MEIS1: variants seen among roughly 807,000 people sequenced by gnomAD.
MEIS1 encodes the protein Meis homeobox 1.
MEIS1 carries 5 observed loss-of-function variants against 50.8 expected under a neutral mutation model. The observed-to-expected ratio is 0.10, with a 90% confidence interval of 0.05 to 0.21. The LOEUF (loss-of-function observed/expected upper bound fraction) is 0.21. Among genes scored for constraint, MEIS1 ranks in the 10% least tolerant of loss-of-function variants. The pLI is 1.00. For missense variants in MEIS1, 318 were observed against 517.3 expected (o/e 0.61, Z 3.74); for synonymous variants, 176 against 179.3 (o/e 0.98, Z 0.15).
intron 7 of MEIS1, among the ~76,000 whole-genome samples, chr2:66,479,706 A>T (rs1672973620): frequency 1.3e-5 from 2 of 152,204 alleles, no homozygotes; most frequent in South Asian, 4.1e-4. Flanking sequence ...GATCCAGTGA[A>T]TATTTACATG....
intron 7 of MEIS1, among the ~76,000 whole-genome samples, chr2:66,505,123 C>T (rs913635132): frequency 3.2e-4 from 49 of 152,096 alleles, no homozygotes; most frequent in African/African-American, 1.2e-3. Context: ...TGTAATAAGA[C>T]CTAAGGGGTT....
intron 7 of MEIS1, among the ~76,000 whole-genome samples, chr2:66,478,786 G>T (rs1672952487): frequency 6.6e-6 from 1 of 152,182 alleles, no homozygotes; most frequent in African/African-American, 2.4e-5. Context: ...CAGGAACCTG[G>T]CTGGCATAGT....
intron 6 of MEIS1, among the ~76,000 whole-genome samples, chr2:66,448,016 A>G (rs1672192911): frequency 6.6e-6 from 1 of 152,190 alleles, no homozygotes; most frequent in Non-Finnish European, 1.5e-5. Flanking sequence ...CCCCCACCAG[A>G]ATGACTCCAT....
intron 3 of MEIS1, 72 bp downstream of exon 3, chr2:66,440,056 CGCGCGCGCGCGA>C (rs1671920089): frequency 7.5e-7 from 1 of 1,333,016 alleles, no homozygotes; most frequent in Non-Finnish European, 1.0e-6. Flanking sequence ...CACACGCGCG[CGCGCGCGCGCGA>C]ACACACACAC....
chr2:66,554,614 G>GAC (rs771166726), intron 9 of MEIS1, among the ~76,000 whole-genome samples: 7 of 152,210 alleles, frequency 4.6e-5, no homozygotes, highest in Non-Finnish European at 8.8e-5. Flanking sequence ...TTGGGCGACA[G>GAC]TGTCCTCTGG....
intron 7 of MEIS1, among the ~76,000 whole-genome samples, chr2:66,484,978 T>C (rs1468760395): frequency 6.6e-6 from 1 of 152,202 alleles, no homozygotes; most frequent in East Asian, 1.9e-4. Context: ...ATTTAAAATA[T>C]AGGACGAGAT....
intron 3 of MEIS1, 57 bp downstream of exon 3, chr2:66,440,041 CAACACACACGCGCGCGCGCGCGCGCG>C (rs1671916089): frequency 1.4e-6 from 2 of 1,407,200 alleles, no homozygotes; most frequent in Non-Finnish European, 1.9e-6. Flanking sequence ...CCCCCTTCGC[CAACACACACGCGCGCGCGCGCGCGCG>C]AACACACACA....
At chr2:66,497,277 G>T (rs1673429339) in intron 7 of MEIS1, among the ~76,000 whole-genome samples, 1 of 152,152 alleles carries the variant, frequency 6.6e-6, no homozygotes, top group African/African-American at 2.4e-5. Context: ...ACAAGGATTT[G>T]TATTCCTTAT....
At chr2:66,571,159 G>C in intron 12 of MEIS1, 87 bp from the exon 13 acceptor site, 1 of 1,366,958 alleles carries the variant, frequency 7.3e-7, no homozygotes, top group Non-Finnish European at 9.9e-7. Context: ...GGGTTCTCTG[G>C]CTTTTATAGG....
intron 8 of MEIS1, among the ~76,000 whole-genome samples, chr2:66,513,627 T>A (rs1673886420): frequency 6.6e-6 from 1 of 152,170 alleles, no homozygotes; most frequent in Non-Finnish European, 1.5e-5. Context: ...TCCCTTCTCT[T>A]CTTCCCATAA....
In MEIS1 at chr2:66,567,471, A is replaced by G. The variant is rs1234598068; in HGVS notation, c.984A>G (p.Arg328=). 2 of 1,613,894 alleles carry G rather than the reference A, an allele frequency of 1.2e-6. No individual in the cohort carries two copies. The highest frequency in any genetic ancestry group is 2.2e-5 in the South Asian group (2 of 91,040). The change falls in exon 10 of 13, where the codon AGA becomes AGG. Residue 328 remains arginine, a synonymous_variant. Transcript: ENST00000272369. ...GTTACAGGTTTATTAATGCCCGGAG[A>G]AGAATAGTGCAGCCCATGATAGACC... ...QVNNWFINAR[R]RIVQPMIDQS...
At chr2:66,451,536 A>G (rs1672275978) in intron 6 of MEIS1, among the ~76,000 whole-genome samples, 1 of 152,104 alleles carries the variant, frequency 6.6e-6, no homozygotes, top group African/African-American at 2.4e-5. Flanking sequence ...TGAATGAATA[A>G]GAATTTCTTT....
At chr2:66,516,683 G>A (rs1330369262) in intron 8 of MEIS1, among the ~76,000 whole-genome samples, 1 of 151,974 alleles carries the variant, frequency 6.6e-6, no homozygotes, top group Non-Finnish European at 1.5e-5. Flanking sequence ...AGAGGTTGTA[G>A]AATCTTCCAG....
intron 8 of MEIS1, among the ~76,000 whole-genome samples, chr2:66,522,838 T>G (rs1364599320): frequency 1.3e-5 from 2 of 152,184 alleles, no homozygotes; most frequent in Non-Finnish European, 2.9e-5. Context: ...AGTGACCGCA[T>G]AGGAAGTAGC....
chr2:66,527,625 TGTG>T lies in MEIS1; in HGVS notation c.888+15332_888+15334del, dbSNP rs1487327256. Among the ~76,000 whole-genome samples, 10 of 150,432 alleles carry T rather than the reference TGTG, an allele frequency of 6.6e-5. No homozygotes were observed. In the South Asian group the frequency reaches 2.1e-3, roughly 32 times the overall value. Reference sequence around the variant, plus strand: ...GTGTGTGTGTGTGTGTGTGTGTGTGTGTGTGTGTGTGTGTGTTGGGGGGGAGAC... The same window carrying T: ...GTGTGTGTGTGTGTGTGTGTGTGTGTTGTGTGTGTGTGTTGGGGGGGAGAC... On this transcript the variant is annotated intron_variant, in intron 8 of 12. Coordinates refer to ENST00000272369, the MANE Select transcript of MEIS1 (RefSeq NM_002398.3).
chr2:66,511,103 C>A (rs1048838563), intron 7 of MEIS1, among the ~76,000 whole-genome samples: 5 of 152,052 alleles, frequency 3.3e-5, no homozygotes, highest in Non-Finnish European at 7.4e-5. Flanking sequence ...AACGGTTGAC[C>A]GAGCTAAGCT....
chr2:66,475,855 T>C (rs1206854606), intron 7 of MEIS1, among the ~76,000 whole-genome samples: 1 of 152,244 alleles, frequency 6.6e-6, no homozygotes, highest in Non-Finnish European at 1.5e-5. Context: ...ATCATATTCA[T>C]CCTTTTGTTT....
At chr2:66,542,506 G>C (rs1053158019) in intron 8 of MEIS1, among the ~76,000 whole-genome samples, 4 of 152,186 alleles carry the variant, frequency 2.6e-5, no homozygotes, top group Admixed American at 6.5e-5. Context: ...CCTCCTGTTA[G>C]ATCAGCTCCT....
chr2:66,551,809 C>T (rs937833227), intron 9 of MEIS1, among the ~76,000 whole-genome samples: 2 of 151,710 alleles, frequency 1.3e-5, no homozygotes, highest in Non-Finnish European at 2.9e-5. Flanking sequence ...CCCTTGCTCC[C>T]AATTATAATT....
Sources: gnomAD v4.1 joint callset for allele counts (sites outside exome capture counted in the v4.1 genomes callset) on GRCh38, gnomAD v4.1.1 for gene constraint, MANE v1.5 for transcripts, NCBI Gene and HGNC (gene_info 2026-07-23, HGNC 2026-07-21) for gene names.